Variants in AGO2 observed in about 807,000 individuals in gnomAD.
AGO2 encodes the protein protein argonaute-2.
Under a neutral mutation model 102.3 loss-of-function variants are expected in AGO2, and 5 were observed. That is an observed-to-expected ratio of 0.05 (90% confidence interval 0.03 to 0.10). The LOEUF is 0.10. AGO2 is among the 10% of genes least tolerant of loss of function. The pLI, the probability that AGO2 is intolerant of heterozygous loss-of-function variation, is 1.00. For synonymous variants in AGO2, 449 were observed against 473.1 expected, an observed-to-expected ratio of 0.95 and a Z score of 0.66; for missense variants, 541 against 1,183.7, an observed-to-expected ratio of 0.46 and a Z score of 7.97.
intron 1 of AGO2, among the ~76,000 whole-genome samples, chr8:140,593,567 A>C (rs964269209): frequency 6.6e-5 from 10 of 152,126 alleles, no homozygotes; most frequent in Non-Finnish European, 1.2e-4. Context: ...AAAAAAAAAA[A>C]AAAACTTTGT....
In AGO2 at chr8:140,521,843, A is replaced by G. The variant is rs1333221932; in HGVS notation, c.*10201T>C. 2 of 152,232 alleles carry G rather than the reference A, an allele frequency of 1.3e-5. No individual in the cohort carries two copies. Among genetic ancestry groups the G allele is most frequent in the Non-Finnish European group, 2.9e-5 (2 of 68,030 alleles). 9.4% of individuals were successfully genotyped at this position (152,232 alleles called of 1,614,324 possible). A position where few individuals can be genotyped will look rare whatever the true frequency, so the allele number is the denominator to read the frequency against. On this transcript the variant is annotated 3_prime_UTR_variant, in exon 19 of 19. Coordinates refer to ENST00000220592, the MANE Select transcript of AGO2 (RefSeq NM_012154.5). Reference sequence around the variant, plus strand: ...CTCTTAGAAAATGTGCCAGAGGAAGAGGGGGCATGAATGGCTAGAAAAGCA... The same window carrying G: ...CTCTTAGAAAATGTGCCAGAGGAAGGGGGGGCATGAATGGCTAGAAAAGCA...
rs140659081 is a variant in AGO2, at chr8:140,605,045, C to T, written c.23-19734G>A. Among the ~76,000 whole-genome samples, 182 of 152,042 alleles carry T rather than the reference C, an allele frequency of 1.2e-3. 1 individual carries two copies. The highest frequency in any genetic ancestry group is 3.9e-3 in the African/African-American group (160 of 41,462). ...GGTAAGGAAATAAGACTGGCTATGG[C>T]GGATACGTTAGACTTTCTTTCCTTT... On this transcript the variant is annotated intron_variant, in intron 1 of 18. Coordinates refer to ENST00000220592, the MANE Select transcript of AGO2 (RefSeq NM_012154.5).
intron 3 of AGO2, among the ~76,000 whole-genome samples, chr8:140,566,364 T>G (rs1024371662): frequency 6.6e-6 from 1 of 152,228 alleles, no homozygotes; most frequent in Non-Finnish European, 1.5e-5. Context: ...CAATTAAACT[T>G]TTTCTTTTGT....
chr8:140,609,504 C>A (rs1051698509), intron 1 of AGO2, among the ~76,000 whole-genome samples: 3 of 152,240 alleles, frequency 2.0e-5, no homozygotes, highest in Non-Finnish European at 2.9e-5. Context: ...TGCTCCCGCA[C>A]CGGCCTCGTC....
chr8:140,557,104 G>A lies in AGO2; in HGVS notation c.1011C>T (p.Thr337=). The change falls in exon 8 of 19, where the codon ACC becomes ACT. Residue 337 remains threonine, a synonymous_variant. Coordinates refer to ENST00000220592, the MANE Select transcript of AGO2 (RefSeq NM_012154.5). This position sits in a 1 kb window ranked among gnomAD's most constrained non-coding sequence, Gnocchi z 5.9. The part of the protein sequence containing the change: ...CLQVGQEQKH[T]YLPLEVCNIV... ...GGTGACTTGCCTCCAGGGGAAGGTA[G>A]GTGTGTTTCTGCTCCTGTCCGACTT... The A allele has an allele frequency of 6.2e-7, 1 of 1,613,580 alleles. No individual in the cohort carries two copies.
At chr8:140,627,658 T>C (rs557807164) in intron 1 of AGO2, among the ~76,000 whole-genome samples, 6 of 152,312 alleles carry the variant, frequency 3.9e-5, no homozygotes, top group East Asian at 1.9e-4. Flanking sequence ...TTTTGGGATA[T>C]AGGTCCTTAA....
At chr8:140,550,216 G>A (rs556171270) in intron 11 of AGO2, among the ~76,000 whole-genome samples, 7 of 152,336 alleles carry the variant, frequency 4.6e-5, no homozygotes, top group South Asian at 4.2e-4. Context: ...CCAGCAAGAC[G>A]TCAGCTCTGA....
intron 17 of AGO2, among the ~76,000 whole-genome samples, chr8:140,533,018 A>G (rs2072626583): frequency 6.7e-6 from 1 of 149,146 alleles, no homozygotes; most frequent in Non-Finnish European, 1.5e-5. Context: ...AAAAAAAAGC[A>G]TCATAACTAC....
intron 17 of AGO2, 192 bp downstream of exon 17, chr8:140,535,276 C>G (rs1333031430): frequency 1.3e-5 from 8 of 603,302 alleles, no homozygotes; most frequent in Admixed American, 5.8e-5. Context: ...GAGGCTCATG[C>G]TGACCCACCC....
intron 3 of AGO2, among the ~76,000 whole-genome samples, chr8:140,571,002 T>G (rs1268114752): frequency 6.6e-6 from 1 of 152,154 alleles, no homozygotes; most frequent in Admixed American, 6.6e-5. Context: ...AAACTATAAG[T>G]AAAAACAAAT....
chr8:140,614,522 G>A (rs939727418), intron 1 of AGO2, among the ~76,000 whole-genome samples: 9 of 152,172 alleles, frequency 5.9e-5, no homozygotes, highest in Admixed American at 1.3e-4. Context: ...AGTCCTGCAC[G>A]TTTGCATAAT....
intron 1 of AGO2, among the ~76,000 whole-genome samples, chr8:140,586,217 G>A (rs914580917): frequency 2.0e-5 from 3 of 152,254 alleles, no homozygotes; most frequent in Admixed American, 2.0e-4. Flanking sequence ...GTCAGGCTGG[G>A]TGCAGTGGCT....
At chr8:140,571,001 G>A (rs1339449736) in intron 3 of AGO2, among the ~76,000 whole-genome samples, 3 of 152,162 alleles carry the variant, frequency 2.0e-5, no homozygotes, top group African/African-American at 4.8e-5. Context: ...AAAACTATAA[G>A]TAAAAACAAA....
In AGO2 at chr8:140,611,330, G is replaced by GTT. The variant is rs57728629; in HGVS notation, c.22+24153_22+24154dup. Among the ~76,000 whole-genome samples, 244 of 147,780 alleles carry GTT rather than the reference G, an allele frequency of 1.7e-3. 1 individual carries two copies. Among genetic ancestry groups the GTT allele is most frequent in the African/African-American group, 3.4e-3 (139 of 40,306 alleles). ...ATTCCACATTGACTCTTAAGCCTTT[G>GTT]TTTTTTTTTTTTCTTGATATGGAGA... is the stretch of plus-strand genomic sequence containing the variant. On this transcript the variant is annotated intron_variant, in intron 1 of 18. Coordinates refer to ENST00000220592, the MANE Select transcript of AGO2 (RefSeq NM_012154.5).
At chr8:140,548,295 G>A (rs1233911216) in intron 12 of AGO2, among the ~76,000 whole-genome samples, 1 of 136,304 alleles carries the variant, frequency 7.3e-6, no homozygotes, top group Non-Finnish European at 1.5e-5. Context: ...CAGGCTAGGA[G>A]ACAGAGCCAG....
intron 1 of AGO2, among the ~76,000 whole-genome samples, chr8:140,624,350 C>T (rs974596766): frequency 5.3e-5 from 8 of 152,350 alleles, no homozygotes; most frequent in African/African-American, 1.9e-4. Context: ...GTCCACACTG[C>T]ACGCACCTCA....
intron 14 of AGO2, among the ~76,000 whole-genome samples, chr8:140,542,619 T>A (rs182859383): frequency 5.5e-5 from 8 of 145,688 alleles, no homozygotes; most frequent in Non-Finnish European, 1.2e-4. Context: ...GCCCAAGATA[T>A]AGTTGAATGC....
chr8:140,627,929 G>A (rs2074296359), intron 1 of AGO2, among the ~76,000 whole-genome samples: 1 of 152,182 alleles, frequency 6.6e-6, no homozygotes, highest in African/African-American at 2.4e-5. Flanking sequence ...ACTGTCTCGG[G>A]GCTGTCCTCC....
rs2073162874 is a variant in AGO2 at position 140,559,619 on chromosome 8, C to T, written c.656-90G>A. 6.5e-6 allele frequency: 10 copies of T among 1,541,352 alleles called. No individual in the cohort carries two copies. The South Asian group carries it at 9.6e-5, about 15-fold the overall frequency. ...CCTGGAGGGGCCTCATAGGCCAGGC[C>T]AGCCATGGTGGGGACACCCGGCCGG... On this transcript the variant is annotated intron_variant, in intron 5 of 18. Coordinates refer to ENST00000220592, the MANE Select transcript of AGO2 (RefSeq NM_012154.5).
Sources: allele counts gnomAD v4.1 joint callset (sites outside exome capture counted in the v4.1 genomes callset), GRCh38; gene constraint gnomAD v4.1.1; non-coding constraint Gnocchi (gnomAD v3.1); transcripts MANE v1.5; gene names NCBI Gene and HGNC (gene_info 2026-07-23, HGNC 2026-07-21).